Variants in SESTD1 observed in about 807,000 individuals in gnomAD.
SESTD1 encodes SEC14 and spectrin domain containing 1, also known as SEC14 domain and spectrin repeat-containing protein 1.
A neutral mutation model predicts 101.7 loss-of-function variants in SESTD1; 43 were observed. The observed-to-expected ratio is 0.42, with a 90% CI of 0.33 to 0.55. The LOEUF (loss-of-function observed/expected upper bound fraction) is 0.55. Ranked by LOEUF, SESTD1 falls within the 20% of genes least tolerant of loss-of-function variation. The pLI is 0.07. For synonymous variants in SESTD1, 283 were observed against 286.8 expected, an observed-to-expected ratio of 0.99 and a Z score of 0.13; for missense variants, 647 against 815.1, an observed-to-expected ratio of 0.79 and a Z score of 2.51.
rs1222205097 is a variant in SESTD1, at chr2:179,108,879, T to C, written c.*1020A>G. The stretch of plus-strand genomic sequence containing the variant: ...ACTACTTCAGAATTTATTTTGCTTT[T>C]AGACTATAATGAGAAACTAAATTTT... On this transcript the variant is annotated 3_prime_UTR_variant, in exon 18 of 18. Transcript: ENST00000428443. 4 of 152,142 alleles carry C rather than the reference T, an allele frequency of 2.6e-5. No homozygotes were observed. The highest frequency in any genetic ancestry group is 2.0e-4 in the Admixed American group (3 of 15,274). The allele number at this position is 152,142 out of a possible 1,614,324, so 9.4% of individuals were successfully genotyped here.
At position 179,176,463 on chromosome 2, in the gene SESTD1, T is replaced by A. The variant is rs755233160; in HGVS notation, c.240A>T (p.Val80=). The A allele has an allele frequency of 6.2e-6, 10 of 1,613,222 alleles. No homozygotes were observed. The East Asian group carries it at 2.0e-4, about 32-fold the overall frequency. Residue 80 remains valine, a synonymous_variant, in exon 4 of 18, where the codon GTA becomes GTT. Coordinates refer to ENST00000428443, the MANE Select transcript of SESTD1 (RefSeq NM_178123.5). The stretch of plus-strand genomic sequence containing the variant: ...CCAAAATTACCTGTAGCATTACGAC[T>A]ACTGTTTTCACCACATTCCACTGTG... ...RKSQWNVVKT[V]VVMLQNVVPA... is the part of the protein sequence containing the mutation.
chr2:179,128,984 C>T (rs1164949485), intron 10 of SESTD1, among the ~76,000 whole-genome samples: 1 of 152,122 alleles, frequency 6.6e-6, no homozygotes, highest in African/African-American at 2.4e-5. Flanking sequence ...ATCATGTTGG[C>T]AGTGACGCAT....
At chr2:179,154,700 G>A (rs2045593945) in intron 5 of SESTD1, among the ~76,000 whole-genome samples, 1 of 151,928 alleles carries the variant, frequency 6.6e-6, no homozygotes, top group African/African-American at 2.4e-5. Flanking sequence ...GCAGACTACT[G>A]GAAACTCTAT....
At chr2:179,176,670 T>C (rs1021345127) in intron 3 of SESTD1, 132 bp from the exon 4 acceptor site, 11 of 532,246 alleles carry the variant, frequency 2.1e-5, no homozygotes, top group African/African-American at 2.0e-5. Context: ...GTTTACATTG[T>C]CAATAAATAA....
intron 9 of SESTD1, among the ~76,000 whole-genome samples, chr2:179,141,048 C>T (rs992651370): frequency 3.3e-5 from 5 of 152,176 alleles, no homozygotes; most frequent in African/African-American, 1.2e-4. Context: ...AATTTTCAAT[C>T]ACATCAATGC....
At chr2:179,237,259 C>A (rs1359049978) in intron 1 of SESTD1, among the ~76,000 whole-genome samples, 2 of 151,678 alleles carry the variant, frequency 1.3e-5, no homozygotes, top group Non-Finnish European at 2.9e-5. Context: ...ACACAAATAT[C>A]CATAACCATA....
At chr2:179,117,692 T>G (rs1426675841) in intron 13 of SESTD1, 79 bp from the exon 14 acceptor site, 5 of 1,115,762 alleles carry the variant, frequency 4.5e-6, no homozygotes, top group Non-Finnish European at 6.3e-6. Context: ...TTGGTACATG[T>G]ATTTTATAGT....
intron 4 of SESTD1, among the ~76,000 whole-genome samples, chr2:179,173,264 G>GCAT (rs2045956201): frequency 6.6e-6 from 1 of 152,004 alleles, no homozygotes; most frequent in Admixed American, 6.6e-5. Flanking sequence ...ACCTAAAGTG[G>GCAT]CATCATCTGA....
chr2:179,116,728 A>G lies in SESTD1; in HGVS notation c.1587T>C (p.Asp529=), dbSNP rs933744335. The part of the protein sequence containing the change: ...ALLKTHIRLG[D]DAQETKVLLE... ...GCAAAACTTTCGTTTCTTGAGCATCATCGCCCAATCTGATGTGAGTCTTAA... is the reference window on the plus strand; with the variant it reads ...GCAAAACTTTCGTTTCTTGAGCATCGTCGCCCAATCTGATGTGAGTCTTAA... Residue 529 remains aspartate (D), a synonymous_variant, in exon 15 of 18, where the codon GAT becomes GAC. Coordinates refer to ENST00000428443, the MANE Select transcript of SESTD1 (RefSeq NM_178123.5). The G allele has an allele frequency of 1.9e-6, 3 of 1,614,036 alleles. No individual in the cohort carries two copies. In the African/African-American group the frequency reaches 4.0e-5, roughly 22 times the overall value.
At chr2:179,143,094 T>TATA (rs1363003005) in intron 9 of SESTD1, among the ~76,000 whole-genome samples, 1 of 152,146 alleles carries the variant, frequency 6.6e-6, no homozygotes, top group African/African-American at 2.4e-5. Context: ...CTACTTTTCT[T>TATA]ATAAAAATAA....
chr2:179,196,816 A>C (rs1421935806), intron 1 of SESTD1, among the ~76,000 whole-genome samples: 3 of 152,218 alleles, frequency 2.0e-5, no homozygotes, highest in Admixed American at 6.5e-5. Flanking sequence ...GTACATCACC[A>C]TCATCAAAGA....
rs973801383 is a variant in SESTD1 at position 179,117,561 on chromosome 2, A to G, written c.1495T>C (p.Leu499=). 1.9e-6 allele frequency: 3 copies of G among 1,584,252 alleles called. No individual in the cohort carries two copies. The highest frequency in any genetic ancestry group is 2.6e-6 in the Non-Finnish European group (3 of 1,169,556). ...RRLKMLQMVQ[L]FKCEEDAAQA... The stretch of plus-strand genomic sequence containing the variant: ...GCAGCATCTTCTTCACATTTAAACA[A>G]CTGCACCATCTGAAGCATCTTTAAC... Residue 499 remains leucine (L), a synonymous_variant, in exon 14 of 18, where the codon TTG becomes CTG. Transcript: ENST00000428443.
At chr2:179,192,125 T>A (rs577966643) in intron 1 of SESTD1, among the ~76,000 whole-genome samples, 1 of 152,278 alleles carries the variant, frequency 6.6e-6, no homozygotes, top group African/African-American at 2.4e-5. Context: ...CATGGCCAAA[T>A]ATCCTCTGGT....
rs940944863 is a variant in SESTD1, at chr2:179,213,238, C to T, written c.-25-21372G>A. 3.0e-5 allele frequency among the ~76,000 whole-genome samples: 4 copies of T among 134,328 alleles called. 1 individual carries two copies. Among genetic ancestry groups the T allele is most frequent in the Non-Finnish European group, 4.8e-5 (3 of 62,616 alleles). The allele number at this position is 134,328 out of a possible 152,430, so 88.1% of individuals were successfully genotyped here. ...CATGTTCTAACCCATCGCAAGGAAG[C>T]TAAAATTCTTGAAAAAACGTTAGAC... On this transcript the variant is annotated intron_variant, in intron 1 of 17. Coordinates refer to ENST00000428443, the MANE Select transcript of SESTD1 (RefSeq NM_178123.5).
intron 1 of SESTD1, among the ~76,000 whole-genome samples, chr2:179,251,233 GAAT>G (rs2047312831): frequency 6.6e-6 from 1 of 152,164 alleles, no homozygotes; most frequent in African/African-American, 2.4e-5. Flanking sequence ...AGAAATTGGA[GAAT>G]AATGGCTGCC....
chr2:179,254,296 A>G (rs992057500), intron 1 of SESTD1, among the ~76,000 whole-genome samples: 3 of 152,164 alleles, frequency 2.0e-5, no homozygotes, highest in African/African-American at 7.2e-5. Flanking sequence ...CCATCTATCC[A>G]TTAAGGCTTT....
chr2:179,148,874 C>CA (rs1559114169), intron 7 of SESTD1, among the ~76,000 whole-genome samples: 1 of 151,780 alleles, frequency 6.6e-6, no homozygotes, highest in Non-Finnish European at 1.5e-5. Flanking sequence ...TTCTGGGTAA[C>CA]ATGGTGAAAC....
In SESTD1 at chr2:179,206,514, G is replaced by C. The variant is rs927949891; in HGVS notation, c.-25-14648C>G. 3.7e-5 allele frequency among the ~76,000 whole-genome samples: 5 copies of C among 135,870 alleles called. 2 individuals carry two copies. Among genetic ancestry groups the C allele is most frequent in the African/African-American group, 1.5e-4 (5 of 34,470 alleles). 89.1% of individuals were successfully genotyped at this position (135,870 alleles called of 152,430 possible). On this transcript the variant is annotated intron_variant, in intron 1 of 17. Coordinates refer to ENST00000428443, the MANE Select transcript of SESTD1 (RefSeq NM_178123.5). ...GCCCTGTAGGCACTCCTGGTCCCCAGCATGAGCCCAGGGAAGCCATTCCTG... is the reference window on the plus strand; with the variant it reads ...GCCCTGTAGGCACTCCTGGTCCCCACCATGAGCCCAGGGAAGCCATTCCTG...
At chr2:179,195,299 G>A (rs1314592999) in intron 1 of SESTD1, among the ~76,000 whole-genome samples, 3 of 152,218 alleles carry the variant, frequency 2.0e-5, no homozygotes, top group African/African-American at 7.2e-5. Flanking sequence ...GTTCTCAAGA[G>A]ATCTAATGGT....
Sources: allele counts gnomAD v4.1 joint callset (sites outside exome capture counted in the v4.1 genomes callset), GRCh38; gene constraint gnomAD v4.1.1; transcripts MANE v1.5; gene names NCBI Gene and HGNC (gene_info 2026-07-23, HGNC 2026-07-21).